WDR12: variants seen among roughly 807,000 people sequenced by gnomAD.
WDR12 encodes the protein ribosome biogenesis protein WDR12.
A neutral mutation model predicts 64.3 loss-of-function variants in WDR12; 42 were observed. That is an observed-to-expected ratio of 0.65 (90% confidence interval 0.51 to 0.84). The LOEUF (loss-of-function observed/expected upper bound fraction) is 0.84. WDR12 is among the 40% of genes least tolerant of loss of function. The probability of loss-of-function intolerance (pLI) is 0.00; values close to 1 mark genes in which losing one functional copy is unlikely to be tolerated. For synonymous variants in WDR12, 158 were observed against 173.3 expected (o/e 0.91, Z 0.70); for missense variants, 469 against 494.6 (o/e 0.95, Z 0.49).
In WDR12 at chr2:202,880,723, C is replaced by T. The variant is rs1048517765; in HGVS notation, c.*137G>A. ...AAATACAAAATAAGAAAAAGTGATA[C>T]GTTAGCTGTTATGAAGGGTGAAAAC... On this transcript the variant is annotated 3_prime_UTR_variant, in exon 13 of 13. Transcript: ENST00000261015. 1.7e-5 allele frequency: 9 copies of T among 533,398 alleles called. No homozygotes were observed. Among genetic ancestry groups the T allele is most frequent in the East Asian group, 6.9e-5 (2 of 28,836 alleles). The allele number at this position is 533,398 out of a possible 1,614,324, so 33.0% of individuals were successfully genotyped here.
At chr2:202,889,955 G>A (rs927777547) in intron 8 of WDR12, among the ~76,000 whole-genome samples, 1 of 151,968 alleles carries the variant, frequency 6.6e-6, no homozygotes, top group African/African-American at 2.4e-5. Context: ...ATTGGCTCAA[G>A]TCTGTAATCC....
chr2:202,896,643 A>T (rs1205725348), intron 5 of WDR12, among the ~76,000 whole-genome samples: 1 of 152,120 alleles, frequency 6.6e-6, no homozygotes, highest in Non-Finnish European at 1.5e-5. Flanking sequence ...GTGAGTTGAG[A>T]TGGAGCCACT....
intron 7 of WDR12, among the ~76,000 whole-genome samples, chr2:202,894,298 C>T (rs1417227659): frequency 6.6e-6 from 1 of 151,804 alleles, no homozygotes; most frequent in Admixed American, 6.6e-5. Flanking sequence ...CTCACTGAAA[C>T]CTCAAACTCC....
intron 2 of WDR12, among the ~76,000 whole-genome samples, chr2:202,905,408 G>A (rs531399130): frequency 6.6e-6 from 1 of 152,258 alleles, no homozygotes; most frequent in Admixed American, 6.5e-5. Flanking sequence ...CTCCCAAAGT[G>A]CTGGGATTAC....
rs571150615 is a variant in WDR12 at position 202,909,039 on chromosome 2, C to A, written c.42-1080G>T. ...CTATAAGTAAAAAGACAGCTAATAA[C>A]AAGTGTCAGTGAAAATATGGAGCAA... is the stretch of plus-strand genomic sequence containing the variant. On this transcript the variant is annotated intron_variant, in intron 1 of 12. Coordinates refer to ENST00000261015, the MANE Select transcript of WDR12 (RefSeq NM_018256.4). Among the ~76,000 whole-genome samples, 5 of 152,266 alleles carry A rather than the reference C, an allele frequency of 3.3e-5. No homozygotes were observed. In the East Asian group the frequency reaches 9.6e-4, roughly 29 times the overall value.
intron 4 of WDR12, among the ~76,000 whole-genome samples, chr2:202,898,082 C>A (rs113850164): frequency 2.0e-5 from 3 of 149,444 alleles, no homozygotes; most frequent in South Asian, 2.1e-4. Flanking sequence ...CACCCCCACC[C>A]AAAAAAAATC....
intron 2 of WDR12, among the ~76,000 whole-genome samples, chr2:202,903,701 G>A (rs960379869): frequency 6.6e-6 from 1 of 152,104 alleles, no homozygotes; most frequent in African/African-American, 2.4e-5. Context: ...AAAATCAGTA[G>A]CATTTCTATA....
In WDR12 at chr2:202,896,073, C is replaced by T. The variant is rs1435913340; in HGVS notation, c.601G>A (p.Gly201Arg). ...ATATTCTAGCTACTTACTTTAGTTC[C>T]TGAGCCATCAACAGCTATAGAATCT... ...SVDSIAVDGS[G>R]TKFCSGSWDK... Residue 201 changes from glycine to arginine, a missense_variant, in exon 6 of 13, where the codon GGA (glycine) becomes AGA (arginine). Physicochemically the swap from Gly to Arg is moderately radical, Grantham distance 125. Coordinates refer to ENST00000261015, the MANE Select transcript of WDR12 (RefSeq NM_018256.4). The T allele has an allele frequency of 6.2e-7, 1 of 1,611,246 alleles. No individual in the cohort carries two copies. Among genetic ancestry groups the T allele is most frequent in the African/African-American group, 1.3e-5 (1 of 74,874 alleles).
chr2:202,879,870 T>C lies in WDR12; in HGVS notation c.*990A>G, dbSNP rs1407886961. 4 of 152,248 alleles carry C rather than the reference T, an allele frequency of 2.6e-5. No homozygotes were observed. Among genetic ancestry groups the C allele is most frequent in the Non-Finnish European group, 4.4e-5 (3 of 68,130 alleles). The allele number at this position is 152,248 out of a possible 1,614,324, so 9.4% of individuals were successfully genotyped here. A position where few individuals can be genotyped will look rare whatever the true frequency, so the allele number is the denominator to read the frequency against. ...AATTCTCCTGCCTTAGCCTCCCAAGTAGTTGGGATTACAGGCGGTCGCCAC... is the reference window on the plus strand; with the variant it reads ...AATTCTCCTGCCTTAGCCTCCCAAGCAGTTGGGATTACAGGCGGTCGCCAC... On this transcript the variant is annotated 3_prime_UTR_variant, in exon 13 of 13. Coordinates refer to ENST00000261015, the MANE Select transcript of WDR12 (RefSeq NM_018256.4).
intron 8 of WDR12, among the ~76,000 whole-genome samples, chr2:202,888,949 A>G (rs1290235401): frequency 2.0e-5 from 3 of 151,982 alleles, no homozygotes; most frequent in Non-Finnish European, 2.9e-5. Context: ...GGCTCAAGTG[A>G]TCCTCCAGTG....
At chr2:202,883,564 C>T (rs1421042360) in intron 11 of WDR12, 45 bp downstream of exon 11, 1 of 1,576,628 alleles carries the variant, frequency 6.3e-7, no homozygotes, top group Non-Finnish European at 8.7e-7. Flanking sequence ...CTTTCTATAA[C>T]AGGTAATTGA....
intron 8 of WDR12, among the ~76,000 whole-genome samples, chr2:202,891,020 G>A (rs72934760): frequency 0.096 from 12,872 of 134,436 alleles, 701 homozygotes; most frequent in Non-Finnish European, 0.14. Flanking sequence ...AAAAAAAAGA[G>A]AATAAAAGAG....
chr2:202,895,913 G>T lies in WDR12; in HGVS notation c.609+152C>A, dbSNP rs1037820012. 8 of 778,804 alleles carry T rather than the reference G, an allele frequency of 1.0e-5. No homozygotes were observed. In the Admixed American group the frequency reaches 1.4e-4, roughly 14 times the overall value. The allele number at this position is 778,804 out of a possible 1,614,324, so 48.2% of individuals were successfully genotyped here. On this transcript the variant is annotated intron_variant, in intron 6 of 12. Transcript: ENST00000261015. Reference sequence around the variant, plus strand: ...ACTGAGCAAGTGACTATCTCCTATTGTATGAGTATTTACTCTTGCTTTGAA... The same window carrying T: ...ACTGAGCAAGTGACTATCTCCTATTTTATGAGTATTTACTCTTGCTTTGAA...
At position 202,880,707 on chromosome 2, in the gene WDR12, A is replaced by G; in HGVS notation, c.*153T>C. Reference sequence around the variant, plus strand: ...CAACCTATCTTATTATAAATACAAAATAAGAAAAAGTGATACGTTAGCTGT... The same window carrying G: ...CAACCTATCTTATTATAAATACAAAGTAAGAAAAAGTGATACGTTAGCTGT... On this transcript the variant is annotated 3_prime_UTR_variant, in exon 13 of 13. Coordinates refer to ENST00000261015, the MANE Select transcript of WDR12 (RefSeq NM_018256.4). 2 of 474,848 alleles carry G rather than the reference A, an allele frequency of 4.2e-6. No homozygotes were observed. Among genetic ancestry groups the G allele is most frequent in the Non-Finnish European group, 7.3e-6 (2 of 273,878 alleles). 29.4% of individuals were successfully genotyped at this position (474,848 alleles called of 1,614,324 possible).
Position 202,884,305 on chromosome 2 carries a change from T to C in WDR12, c.883-2A>G. 6.2e-7 allele frequency: 1 copy of C among 1,613,818 alleles called. No homozygotes were observed. The highest frequency in any genetic ancestry group is 8.5e-7 in the Non-Finnish European group (1 of 1,179,894). ...ACAATTAAACACTTTATTTCCTGTC[T>C]GAAAAAGAAAAGGAAAGAACATTAA... On this transcript the variant is annotated splice_acceptor_variant, in intron 9 of 12. Coordinates refer to ENST00000261015, the MANE Select transcript of WDR12 (RefSeq NM_018256.4). LOFTEE classifies it high-confidence loss of function.
chr2:202,896,284 T>C (rs1688240917), intron 5 of WDR12, 65 bp from the exon 6 acceptor site: 1 of 1,488,604 alleles, frequency 6.7e-7, no homozygotes, highest in Non-Finnish European at 8.9e-7. Context: ...CATCATGTTC[T>C]GAAACCAAAG....
rs1375205814 is a variant in WDR12 at position 202,874,572 on chromosome 2, T to C, written c.*6288A>G. On this transcript the variant is annotated 3_prime_UTR_variant, in exon 13 of 13. Coordinates refer to ENST00000261015, the MANE Select transcript of WDR12 (RefSeq NM_018256.4). The stretch of plus-strand genomic sequence containing the variant: ...AACACTAAAAATTATTCTACTGTTT[T>C]GTACTGTTTTACTAAGGATTAGAGG... 2.0e-5 allele frequency among the ~76,000 whole-genome samples: 3 copies of C among 152,254 alleles called. No homozygotes were observed. Among genetic ancestry groups the C allele is most frequent in the African/African-American group, 7.2e-5 (3 of 41,456 alleles).
In WDR12 at chr2:202,875,158, G is replaced by A. The variant is rs898324748; in HGVS notation, c.*5702C>T. ...CATTGTGGTTTCCTTTAAATAACAT[G>A]AATGACATAATTACATGAATAATAG... On this transcript the variant is annotated 3_prime_UTR_variant, in exon 13 of 13. Transcript: ENST00000261015. 6.6e-6 allele frequency: 1 copy of A among 152,060 alleles called. No homozygotes were observed. The highest frequency in any genetic ancestry group is 1.5e-5 in the Non-Finnish European group (1 of 68,026). The allele number at this position is 152,060 out of a possible 1,614,324, so 9.4% of individuals were successfully genotyped here. A position where few individuals can be genotyped will look rare whatever the true frequency, so the allele number is the denominator to read the frequency against.
rs1359665388 is a variant in WDR12, at chr2:202,883,712, A to C, written c.1018T>G (p.Ser340Ala). 4 of 1,614,144 alleles carry C rather than the reference A, an allele frequency of 2.5e-6. No individual in the cohort carries two copies. The highest frequency in any genetic ancestry group is 3.4e-6 in the Non-Finnish European group (4 of 1,180,004). The change falls in exon 11 of 13, where the codon TCA becomes GCA. Residue 340 changes from serine (S) to alanine (A), a missense_variant. Transcript: ENST00000261015. ...DGSLVSLSLT[S>A]HTGWVTSVKW... ...ACTGATGTCACCCAACCAGTATGTG[A>C]CGTTAGGGACAGCGACACCAAAGAA...
Sources: allele counts gnomAD v4.1 joint callset (sites outside exome capture counted in the v4.1 genomes callset), GRCh38; gene constraint gnomAD v4.1.1; transcripts MANE v1.5; gene names NCBI Gene and HGNC (gene_info 2026-07-23, HGNC 2026-07-21).